RNF24: variants seen among roughly 807,000 people sequenced by gnomAD.
RNF24 encodes ring finger protein 24.
In RNF24, 14 loss-of-function variants were observed where a neutral mutation model predicts 20.0. The observed-to-expected ratio is 0.70, with a 90% confidence interval of 0.46 to 1.10. The LOEUF (loss-of-function observed/expected upper bound fraction) is 1.10. Among genes scored for constraint, RNF24 ranks in the 50% least tolerant of loss-of-function variants. The pLI is 0.00. For missense variants in RNF24, 124 were observed against 177.6 expected (o/e 0.70, Z 1.71); for synonymous variants, 45 against 61.1 (o/e 0.74, Z 1.23).
rs1275014171 is a variant in RNF24 at position 4,003,645 on chromosome 20, T to C, written c.-8+11792A>G. On this transcript the variant is annotated intron_variant, in intron 1 of 5. Coordinates refer to ENST00000358395, the MANE Select transcript of RNF24 (RefSeq NM_001134337.3). ...ATGTTAGAAACTCCTTTTTTTTTTT[T>C]TTTTTTTTTTTTTTTGAGACAGAGT... 5.1e-5 allele frequency among the ~76,000 whole-genome samples: 6 copies of C among 117,674 alleles called. 1 individual carries two copies. The highest frequency in any genetic ancestry group is 1.7e-4 in the Admixed American group (2 of 11,944). The allele number at this position is 117,674 out of a possible 152,430, so 77.2% of individuals were successfully genotyped here. A position where few individuals can be genotyped will look rare whatever the true frequency, so the allele number is the denominator to read the frequency against.
chr20:3,934,327 T>C lies in RNF24; in HGVS notation c.309-126A>G. On this transcript the variant is annotated intron_variant, in intron 5 of 5. Transcript: ENST00000358395. This position sits in a 1 kb window ranked among gnomAD's most constrained non-coding sequence, Gnocchi z 4.0. ...TGTATGGTCCAAGGAGCTCCCCTCC[T>C]AGGTGGTGAACGGATGTCACCCCCT... 1 of 916,364 alleles carries C rather than the reference T, an allele frequency of 1.1e-6. No individual in the cohort carries two copies. Among genetic ancestry groups the C allele is most frequent in the Middle Eastern group, 2.6e-4 (1 of 3,876 alleles). 56.8% of individuals were successfully genotyped at this position (916,364 alleles called of 1,614,324 possible).
intron 1 of RNF24, among the ~76,000 whole-genome samples, chr20:3,996,556 C>T (rs1328727457): frequency 1.3e-5 from 2 of 152,094 alleles, no homozygotes; most frequent in East Asian, 1.9e-4. Context: ...TTCTGTCCTA[C>T]CCCACCCTCA....
chr20:3,943,323 T>C (rs1445858353), intron 4 of RNF24, among the ~76,000 whole-genome samples: 2 of 150,104 alleles, frequency 1.3e-5, no homozygotes, highest in Non-Finnish European at 3.0e-5. Context: ...TTTTTGTGGA[T>C]ACAGATGAGC....
At chr20:3,944,924 G>A (rs116938534) in intron 4 of RNF24, among the ~76,000 whole-genome samples, 1,640 of 152,302 alleles carry the variant, frequency 0.011, 23 homozygotes, top group South Asian at 0.024. Flanking sequence ...CATACAGCAT[G>A]GACGGCAAGC....
intron 2 of RNF24, among the ~76,000 whole-genome samples, chr20:3,958,741 A>C (rs1390662208): frequency 6.6e-6 from 1 of 152,174 alleles, no homozygotes; most frequent in Non-Finnish European, 1.5e-5. Flanking sequence ...TTCTGGGTTC[A>C]AGCGATTCTC....
intron 1 of RNF24, among the ~76,000 whole-genome samples, chr20:3,981,765 T>C (rs538867598): frequency 6.6e-6 from 1 of 152,326 alleles, no homozygotes; most frequent in African/African-American, 2.4e-5. Flanking sequence ...CTACTCTTCC[T>C]CTTTAATATT....
intron 1 of RNF24, among the ~76,000 whole-genome samples, chr20:3,966,468 T>TTGTGTGTGTGTGTGTGTGTG (rs756737260): frequency 3.0e-5 from 1 of 33,516 alleles, no homozygotes; most frequent in Non-Finnish European, 7.6e-5. Flanking sequence ...ATTAAGGCTT[T>TTGTGTGTGTGTGTGTGTGTG]AGTGTGTGTG....
rs750344747 is a variant in RNF24, at chr20:3,934,110, G to T, written c.400C>A (p.Arg134Ser). The change falls in exon 6 of 6, where the codon CGT becomes AGT. Residue 134 changes from arginine (R) to serine (S), a missense_variant. Arg to Ser is a moderately radical substitution (Grantham distance 110, BLOSUM62 -1). Transcript: ENST00000358395. The surrounding 1 kb of genome is among the most constrained non-coding windows in gnomAD (Gnocchi z 4.0). ...QLAQLHSKQDRGPPQGPLPGA... is the reference protein window; with the variant it reads ...QLAQLHSKQDSGPPQGPLPGA... ...GGAAGGGGCCCCTGAGGGGGTCCAC[G>T]GTCCTGCTTACTGTGCAACTGGGCC... is the stretch of plus-strand genomic sequence containing the variant. 2 of 1,553,762 alleles carry T rather than the reference G, an allele frequency of 1.3e-6. No individual in the cohort carries two copies. Among genetic ancestry groups the T allele is most frequent in the South Asian group, 2.4e-5 (2 of 83,008 alleles).
intron 1 of RNF24, among the ~76,000 whole-genome samples, chr20:3,985,045 A>G (rs1979762239): frequency 1.3e-5 from 2 of 148,186 alleles, no homozygotes. Flanking sequence ...CGGGGGAACA[A>G]CAACAACCAC....
intron 1 of RNF24, among the ~76,000 whole-genome samples, chr20:4,010,286 T>C (rs1300720634): frequency 6.6e-6 from 1 of 152,022 alleles, no homozygotes; most frequent in African/African-American, 2.4e-5. Flanking sequence ...GGCAGGAGAA[T>C]TGCTTGAACC....
At chr20:3,988,054 C>T (rs1385602164) in intron 1 of RNF24, among the ~76,000 whole-genome samples, 7 of 152,020 alleles carry the variant, frequency 4.6e-5, no homozygotes, top group Admixed American at 6.6e-5. Context: ...TGGGCGTGGT[C>T]GCTCATGCCT....
intron 3 of RNF24, among the ~76,000 whole-genome samples, chr20:3,948,016 A>G (rs1245800698): frequency 1.3e-5 from 2 of 152,028 alleles, no homozygotes; most frequent in Admixed American, 6.6e-5. Flanking sequence ...ATTGCACTCC[A>G]GCCTGGGCAA....
rs961117664 is a variant in RNF24, at chr20:3,933,062, G to C, written c.*1001C>G. 5.7e-5 allele frequency: 20 copies of C among 353,780 alleles called. No individual in the cohort carries two copies. Among genetic ancestry groups the C allele is most frequent in the Middle Eastern group, 6.8e-4 (1 of 1,478 alleles). The allele number at this position is 353,780 out of a possible 1,614,324, so 21.9% of individuals were successfully genotyped here. Reference sequence around the variant, plus strand: ...TAAAGTGTTAAAAAGTGAATGACAGGCTTTTTTTTTTTTTTTTTTTTTTTT... The same window carrying C: ...TAAAGTGTTAAAAAGTGAATGACAGCCTTTTTTTTTTTTTTTTTTTTTTTT... On this transcript the variant is annotated 3_prime_UTR_variant, in exon 6 of 6. Coordinates refer to ENST00000358395, the MANE Select transcript of RNF24 (RefSeq NM_001134337.3).
At chr20:3,996,490 C>G (rs919161026) in intron 1 of RNF24, among the ~76,000 whole-genome samples, 1 of 152,100 alleles carries the variant, frequency 6.6e-6, no homozygotes, top group African/African-American at 2.4e-5. Context: ...ATGGTAGCTG[C>G]TCTTTGGTTT....
intron 1 of RNF24, among the ~76,000 whole-genome samples, chr20:3,972,285 A>G (rs937784742): frequency 5.9e-5 from 9 of 152,192 alleles, no homozygotes; most frequent in African/African-American, 2.2e-4. Flanking sequence ...CAACAACACA[A>G]TTAGACAACA....
At chr20:4,008,340 ATT>A (rs1260007138) in intron 1 of RNF24, among the ~76,000 whole-genome samples, 2 of 90,318 alleles carry the variant, frequency 2.2e-5, no homozygotes, top group East Asian at 5.2e-4. Flanking sequence ...TAATATATAT[ATT>A]ATACATGTAA....
At chr20:3,992,377 C>CAA (rs375218854) in intron 1 of RNF24, among the ~76,000 whole-genome samples, 145 of 152,242 alleles carry the variant, frequency 9.5e-4, no homozygotes, top group African/African-American at 3.3e-3. Flanking sequence ...AGCACTTTAC[C>CAA]AGGCAGAATC....
At chr20:3,953,313 G>A (rs1234853620) in intron 2 of RNF24, among the ~76,000 whole-genome samples, 3 of 151,574 alleles carry the variant, frequency 2.0e-5, no homozygotes, top group East Asian at 1.9e-4. Flanking sequence ...CACCACGCCC[G>A]GCTAATTTTT....
rs1180715445 is a variant in RNF24, at chr20:3,948,279, C to T, written c.144G>A (p.Arg48=). 5.7e-6 allele frequency: 9 copies of T among 1,574,084 alleles called. No individual in the cohort carries two copies. The highest frequency in any genetic ancestry group is 7.7e-6 in the Non-Finnish European group (9 of 1,161,474). ...LSLLFCCYLI[R]LRHQAHKEFY... ...ATTCTTTGTGTGCTTGATGTCTTAG[C>T]CTAAAAGACAGAAATTAGTAATGCA... Residue 48 remains arginine, a splice_region_variant and synonymous_variant, in exon 3 of 6, where the codon AGG becomes AGA. Transcript: ENST00000358395.
Sources: gnomAD v4.1 joint callset for allele counts (sites outside exome capture counted in the v4.1 genomes callset) on GRCh38, gnomAD v4.1.1 for gene constraint, Gnocchi (gnomAD v3.1) non-coding constraint, MANE v1.5 for transcripts, NCBI Gene and HGNC (gene_info 2026-07-23, HGNC 2026-07-21) for gene names.